Variants in RNF144A observed in about 807,000 individuals in gnomAD.
The protein encoded by RNF144A is ring finger protein 144A.
RNF144A carries 11 observed loss-of-function variants against 38.7 expected under a neutral mutation model. That is an observed-to-expected ratio of 0.28 (90% CI 0.18 to 0.47). RNF144A has a LOEUF of 0.47. RNF144A is among the 20% of genes least tolerant of loss of function. The probability of loss-of-function intolerance (pLI) is 0.99; values close to 1 mark genes in which losing one functional copy is unlikely to be tolerated. For missense variants in RNF144A, 316 were observed against 377.2 expected (o/e 0.84, Z 1.34); for synonymous variants, 149 against 143.9 (o/e 1.04, Z -0.25).
intron 2 of RNF144A, among the ~76,000 whole-genome samples, chr2:6,973,736 A>G (rs1668133139): frequency 6.6e-6 from 1 of 152,244 alleles, no homozygotes; most frequent in Non-Finnish European, 1.5e-5. Flanking sequence ...AGTACCCACC[A>G]TAGGGGTCAG....
chr2:7,020,565 C>A lies in RNF144A; in HGVS notation c.394C>A (p.Pro132Thr). The A allele has an allele frequency of 6.2e-7, 1 of 1,613,284 alleles. No individual in the cohort carries two copies. Among genetic ancestry groups the A allele is most frequent in the Non-Finnish European group, 8.5e-7 (1 of 1,180,016 alleles). The part of the protein sequence containing the change: ...LQDVGLQTPQ[P>T]VQCKACRMEF... ...GGACGTGGGGCTGCAGACCCCCCAG[C>A]CAGTGCAGTGCAAAGCCTGCCGTAT... The change falls in exon 6 of 9, where the codon CCA becomes ACA. Residue 132 changes from proline (P) to threonine (T), a missense_variant. By Grantham distance (38) the Pro-to-Thr change is conservative. Coordinates refer to ENST00000320892, the MANE Select transcript of RNF144A (RefSeq NM_014746.6).
chr2:6,993,016 G>A (rs1669494051), intron 2 of RNF144A, among the ~76,000 whole-genome samples: 1 of 152,294 alleles, frequency 6.6e-6, no homozygotes, highest in African/African-American at 2.4e-5. Context: ...CTTTTATTGT[G>A]CATTGTGATT....
At chr2:6,924,372 T>A (rs959009905) in intron 1 of RNF144A, among the ~76,000 whole-genome samples, 1 of 152,194 alleles carries the variant, frequency 6.6e-6, no homozygotes, top group Non-Finnish European at 1.5e-5. Flanking sequence ...TGAAGGGAGA[T>A]GCATAATGTG....
chr2:7,045,804 CG>C (rs1049123532), downstream of RNF144A, among the ~76,000 whole-genome samples: 42 of 152,118 alleles, frequency 2.8e-4, no homozygotes, highest in Non-Finnish European at 5.4e-4. Context: ...GGCGGGGCTC[CG>C]TTGCCGGTGG....
At chr2:7,002,845 A>T (rs1670198803) in intron 3 of RNF144A, among the ~76,000 whole-genome samples, 1 of 152,162 alleles carries the variant, frequency 6.6e-6, no homozygotes, top group Non-Finnish European at 1.5e-5. Context: ...TGTTAATCTC[A>T]TATGAGATGA....
Position 7,043,462 on chromosome 2 carries a change from G to A in RNF144A, c.*3702G>A. On this transcript the variant is annotated 3_prime_UTR_variant, in exon 9 of 9. Coordinates refer to ENST00000320892, the MANE Select transcript of RNF144A (RefSeq NM_014746.6). Reference sequence around the variant, plus strand: ...TTCTCATTTATTAGTGAGCACACCTGTGTATATATATAAATCACAAGGAGA... The same window carrying A: ...TTCTCATTTATTAGTGAGCACACCTATGTATATATATAAATCACAAGGAGA... 1.0e-6 allele frequency: 1 copy of A among 985,770 alleles called. No homozygotes were observed. The highest frequency in any genetic ancestry group is 1.2e-6 in the Non-Finnish European group (1 of 829,910). 61.1% of individuals were successfully genotyped at this position (985,770 alleles called of 1,614,324 possible).
chr2:6,929,174 C>T, intron 1 of RNF144A, among the ~76,000 whole-genome samples: 1 of 152,126 alleles, frequency 6.6e-6, no homozygotes, highest in Non-Finnish European at 1.5e-5. Flanking sequence ...ATTGAAACGC[C>T]ATGCATAGTT....
chr2:6,919,879 A>T (rs1558349118), intron 1 of RNF144A, among the ~76,000 whole-genome samples: 2 of 152,266 alleles, frequency 1.3e-5, no homozygotes, highest in Admixed American at 6.5e-5. Context: ...CCCCCAGGTC[A>T]TCTGTGCCAT....
At chr2:7,032,625 G>A (rs930149529) in intron 8 of RNF144A, among the ~76,000 whole-genome samples, 2 of 152,206 alleles carry the variant, frequency 1.3e-5, no homozygotes, top group African/African-American at 4.8e-5. Context: ...GTCTTCCTCC[G>A]GCTGCCTCTT....
At position 6,958,719 on chromosome 2, in the gene RNF144A, C is replaced by T. The variant is rs1474324280; in HGVS notation, c.-12+17572C>T. 6.6e-6 allele frequency among the ~76,000 whole-genome samples: 1 copy of T among 152,180 alleles called. No homozygotes were observed. Among genetic ancestry groups the T allele is most frequent in the East Asian group, 1.9e-4 (1 of 5,168 alleles). On this transcript the variant is annotated intron_variant, in intron 2 of 8. Coordinates refer to ENST00000320892, the MANE Select transcript of RNF144A (RefSeq NM_014746.6). This position sits in a 1 kb window ranked among gnomAD's most constrained non-coding sequence, Gnocchi z 4.5. ...TATTTCCCAGAGGGTCCCAGGCTGG[C>T]TGCCTTCCCAATCAGACAGTTGCTT...
intron 7 of RNF144A, 101 bp downstream of exon 7, chr2:7,024,617 A>T: frequency 3.1e-6 from 4 of 1,300,038 alleles, no homozygotes; most frequent in East Asian, 2.3e-5. Context: ...CTTGGTGCCT[A>T]CTCCTGTGTA....
intron 1 of RNF144A, among the ~76,000 whole-genome samples, chr2:6,934,456 A>G (rs1665415366): frequency 1.3e-5 from 2 of 152,176 alleles, no homozygotes; most frequent in South Asian, 4.1e-4. Context: ...TACTTGTCTT[A>G]TGTTATTTTT....
chr2:6,927,153 A>G lies in RNF144A; in HGVS notation c.-212+9531A>G, dbSNP rs1163002708. Reference sequence around the variant, plus strand: ...CAGGATTTTAGGTGCAGGGTTTTTCATATGCCGAATAAATATTTGTGTAGC... The same window carrying G: ...CAGGATTTTAGGTGCAGGGTTTTTCGTATGCCGAATAAATATTTGTGTAGC... On this transcript the variant is annotated intron_variant, in intron 1 of 8. Coordinates refer to ENST00000320892, the MANE Select transcript of RNF144A (RefSeq NM_014746.6). Among the ~76,000 whole-genome samples the G allele has an allele frequency of 3.3e-5, 5 of 152,264 alleles. No homozygotes were observed. In the East Asian group the frequency reaches 9.6e-4, roughly 29 times the overall value.
At chr2:7,051,028 G>A (rs1364597811) in intron 6 of RNF144A, among the ~76,000 whole-genome samples, 4 of 152,224 alleles carry the variant, frequency 2.6e-5, no homozygotes, top group Non-Finnish European at 5.9e-5. Flanking sequence ...ACACCACACA[G>A]ACCAATGCAA....
intron 8 of RNF144A, among the ~76,000 whole-genome samples, chr2:7,036,406 C>T (rs972778228): frequency 2.0e-5 from 3 of 152,204 alleles, no homozygotes; most frequent in Non-Finnish European, 4.4e-5. Flanking sequence ...CACATGCATC[C>T]GTGGAGGGGT....
rs183320458 is a variant in RNF144A, at chr2:7,034,968, A to G, written c.748-4661A>G. 3.4e-4 allele frequency among the ~76,000 whole-genome samples: 52 copies of G among 152,280 alleles called. 1 individual carries two copies. The East Asian group carries it at 9.5e-3, about 28-fold the overall frequency. ...CTGTATGGCACTAGGGAGCCAGAGA[A>G]GGTTTTAGAGCAGCAGAATAAAATG... On this transcript the variant is annotated intron_variant, in intron 8 of 8. Transcript: ENST00000320892.
At chr2:6,971,373 C>T (rs3772005) in intron 2 of RNF144A, among the ~76,000 whole-genome samples, 22,368 of 152,050 alleles carry the variant, frequency 0.15, 1,662 homozygotes, top group East Asian at 0.2. Flanking sequence ...GTCTAGTATA[C>T]GTGGTGATTC....
In RNF144A at chr2:6,944,954, C is replaced by T. The variant is rs1434332621; in HGVS notation, c.-12+3807C>T. Among the ~76,000 whole-genome samples, 3 of 152,224 alleles carry T rather than the reference C, an allele frequency of 2.0e-5. No individual in the cohort carries two copies. The highest frequency in any genetic ancestry group is 4.4e-5 in the Non-Finnish European group (3 of 68,042). On this transcript the variant is annotated intron_variant, in intron 2 of 8. Transcript: ENST00000320892. The surrounding 1 kb of genome is among the most constrained non-coding windows in gnomAD (Gnocchi z 4.7). Reference sequence around the variant, plus strand: ...CATGGACTATAAAGCAGCCTCAATCCAGCCTTCAATGATTGAAGTAGCTAA... The same window carrying T: ...CATGGACTATAAAGCAGCCTCAATCTAGCCTTCAATGATTGAAGTAGCTAA...
intron 3 of RNF144A, among the ~76,000 whole-genome samples, chr2:7,000,746 T>A (rs144580053): frequency 1.3e-4 from 20 of 152,190 alleles, no homozygotes; most frequent in Non-Finnish European, 2.8e-4. Context: ...ATGTCTACAT[T>A]TCTATTAGTT....
Sources: allele counts gnomAD v4.1 joint callset (sites outside exome capture counted in the v4.1 genomes callset), GRCh38; gene constraint gnomAD v4.1.1; non-coding constraint Gnocchi (gnomAD v3.1); transcripts MANE v1.5; gene names NCBI Gene and HGNC (gene_info 2026-07-23, HGNC 2026-07-21).